GPATCH2L: variants seen among roughly 807,000 people sequenced by gnomAD.
GPATCH2L encodes the protein G-patch domain containing 2 like.
In GPATCH2L, 31 loss-of-function variants were observed where a neutral mutation model predicts 57.4. The ratio of observed to expected loss-of-function variants is 0.54; its 90% confidence interval spans 0.41 to 0.73. The LOEUF (loss-of-function observed/expected upper bound fraction) is 0.73, where lower values mean the gene tolerates loss of function less well. Among genes scored for constraint, GPATCH2L ranks in the 30% least tolerant of loss-of-function variants. GPATCH2L has a pLI of 0.00. For missense variants in GPATCH2L, 481 were observed against 599.9 expected (o/e 0.80, Z 2.07); for synonymous variants, 199 against 210.7 (o/e 0.94, Z 0.48).
chr14:76,182,585 CAAAAAAA>C (rs66602777), intron 8 of GPATCH2L, among the ~76,000 whole-genome samples: 3 of 84,820 alleles, frequency 3.5e-5, no homozygotes, highest in African/African-American at 4.6e-5. Flanking sequence ...GACCCTGTCT[CAAAAAAA>C]AAAAAAAAAA....
chr14:76,168,241 C>T (rs930991216), intron 3 of GPATCH2L, among the ~76,000 whole-genome samples: 1 of 152,232 alleles, frequency 6.6e-6, no homozygotes, highest in African/African-American at 2.4e-5. Context: ...TTTCCTCTTG[C>T]CCCTGCAAGG....
intron 1 of GPATCH2L, among the ~76,000 whole-genome samples, chr14:76,221,499 A>G (rs1047426687): frequency 1.3e-5 from 2 of 152,192 alleles, no homozygotes; most frequent in African/African-American, 4.8e-5. Context: ...GCTTCCTGGT[A>G]TTTATCCAAA....
At chr14:76,160,860 T>C (rs2038549503) in intron 2 of GPATCH2L, among the ~76,000 whole-genome samples, 1 of 152,188 alleles carries the variant, frequency 6.6e-6, no homozygotes. Flanking sequence ...GGTGGACTTC[T>C]CTGAGGCACA....
chr14:76,197,720 A>G (rs777442682), intron 9 of GPATCH2L, among the ~76,000 whole-genome samples: 2 of 152,164 alleles, frequency 1.3e-5, no homozygotes, highest in Non-Finnish European at 2.9e-5. Context: ...ATTAATACAC[A>G]TCAGGGGCCA....
chr14:76,230,605 A>G (rs1165110373), intron 2 of GPATCH2L, among the ~76,000 whole-genome samples: 1 of 152,176 alleles, frequency 6.6e-6, no homozygotes, highest in Non-Finnish European at 1.5e-5. Flanking sequence ...AAAATACTTA[A>G]TAAAATGCAA....
In GPATCH2L at chr14:76,210,124, A is replaced by G. The variant is rs1213151082; in HGVS notation, c.*8273A>G. The G allele has an allele frequency of 6.6e-6, 1 of 152,204 alleles. No individual in the cohort carries two copies. The highest frequency in any genetic ancestry group is 1.5e-5 in the Non-Finnish European group (1 of 68,040). 9.4% of individuals were successfully genotyped at this position (152,204 alleles called of 1,614,324 possible). ...CCTTAGATATACTATCCTTGAAACT[A>G]TTAGGCCCCTGTCCAGAGTACCTAA... On this transcript the variant is annotated 3_prime_UTR_variant, in exon 10 of 10. Coordinates refer to ENST00000261530, the MANE Select transcript of GPATCH2L (RefSeq NM_017926.4).
intron 2 of GPATCH2L, among the ~76,000 whole-genome samples, chr14:76,165,865 G>C (rs1207280748): frequency 6.6e-6 from 1 of 152,080 alleles, no homozygotes; most frequent in Non-Finnish European, 1.5e-5. Context: ...GCATCTTCTA[G>C]AGTAGGTGAA....
intron 3 of GPATCH2L, among the ~76,000 whole-genome samples, chr14:76,171,615 C>T (rs1420865709): frequency 2.0e-5 from 3 of 151,554 alleles, no homozygotes; most frequent in African/African-American, 7.3e-5. Context: ...GGCATAGTGG[C>T]ATGAGCCTGT....
In GPATCH2L at chr14:76,201,851, G is replaced by A; in HGVS notation, c.1449G>A (p.Ter483=). The change falls in exon 10 of 10, where the codon TAG becomes TAA. Residue 483 remains the stop codon, a stop_retained_variant. Transcript: ENST00000261530. ...AAGAAAAGAGCCCTGGATACAGCTAGAGAGCAGGACTTCACCCTCCAGGAG... is the reference window on the plus strand; with the variant it reads ...AAGAAAAGAGCCCTGGATACAGCTAAAGAGCAGGACTTCACCCTCCAGGAG... ...MPQEKSPGYS[*] 6.2e-7 allele frequency: 1 copy of A among 1,613,378 alleles called. No individual in the cohort carries two copies. The highest frequency in any genetic ancestry group is 8.5e-7 in the Non-Finnish European group (1 of 1,179,638).
chr14:76,209,658 T>C lies in GPATCH2L; in HGVS notation c.*7807T>C, dbSNP rs1286493657. 6.6e-6 allele frequency: 1 copy of C among 152,298 alleles called. No individual in the cohort carries two copies. The allele number at this position is 152,298 out of a possible 1,614,324, so 9.4% of individuals were successfully genotyped here. On this transcript the variant is annotated 3_prime_UTR_variant, in exon 10 of 10. Coordinates refer to ENST00000261530, the MANE Select transcript of GPATCH2L (RefSeq NM_017926.4). ...TTTCTGCTGCTGGTTAATTTTTTAA[T>C]TTGGCTTCCTCAAGCCTTTTTGGCC...
chr14:76,195,878 A>T lies in GPATCH2L; in HGVS notation c.1194A>T (p.Arg398Ser). 1 of 1,610,264 alleles carries T rather than the reference A, an allele frequency of 6.2e-7. No individual in the cohort carries two copies. The highest frequency in any genetic ancestry group is 8.5e-7 in the Non-Finnish European group (1 of 1,176,546). Reference sequence around the variant, plus strand: ...ATTTTTCTTCTTCTTACATCTGCAGACAGGCAAATGTACACTGGGGACCAC... The same window carrying T: ...ATTTTTCTTCTTCTTACATCTGCAGTCAGGCAAATGTACACTGGGGACCAC... ...RRCSPAHCSA[R>S]QANVHWGPPC... Residue 398 changes from arginine to serine, a missense_variant and splice_region_variant, in exon 9 of 10, where the codon AGA becomes AGT. This residue lies in a region of GPATCH2L where 248 missense variants were observed against 270.5 expected (regional missense o/e 0.92). Transcript: ENST00000261530.
In GPATCH2L at chr14:76,210,662, G is replaced by A. The variant is rs79286798; in HGVS notation, c.*8811G>A. 0.022 allele frequency: 3,371 copies of A among 152,276 alleles called. 76 individuals are homozygous for A. The highest frequency in any genetic ancestry group is 0.077 in the South Asian group (372 of 4,824). The allele number at this position is 152,276 out of a possible 1,614,324, so 9.4% of individuals were successfully genotyped here. On this transcript the variant is annotated 3_prime_UTR_variant, in exon 10 of 10. Transcript: ENST00000261530. The stretch of plus-strand genomic sequence containing the variant: ...AATTTTGCAGATCTTGCAAACCTGT[G>A]GCAATAAGAAGGTATTATCCTTTCT...
intron 1 of GPATCH2L, chr14:76,152,884 A>G (rs1037977930): frequency 2.5e-6 from 1 of 397,596 alleles, no homozygotes; most frequent in Non-Finnish European, 5.0e-6. Flanking sequence ...TTGTTTCTTT[A>G]TTTTGGTCTT....
At chr14:76,197,191 GTTC>G (rs748066827) in intron 9 of GPATCH2L, among the ~76,000 whole-genome samples, 9 of 152,044 alleles carry the variant, frequency 5.9e-5, no homozygotes, top group Admixed American at 6.6e-5. Context: ...TCCTGCAGAT[GTTC>G]TTCTTTTTAT....
At chr14:76,232,007 G>GCAGGCTCACTGCAGC in intron 2 of GPATCH2L, among the ~76,000 whole-genome samples, 1 of 78,308 alleles carries the variant, frequency 1.3e-5, no homozygotes, top group African/African-American at 5.7e-5. Flanking sequence ...CTCACTGCAG[G>GCAGGCTCACTGCAGC]CTCAAGCAAT....
intron 1 of GPATCH2L, among the ~76,000 whole-genome samples, chr14:76,219,613 ATC>A (rs1427065980): frequency 1.3e-5 from 2 of 152,320 alleles, no homozygotes; most frequent in East Asian, 3.9e-4. Flanking sequence ...AGAAAGATGA[ATC>A]TCTAAGTAAA....
chr14:76,185,053 T>C (rs1458768390), intron 8 of GPATCH2L, among the ~76,000 whole-genome samples: 5 of 152,210 alleles, frequency 3.3e-5, no homozygotes, highest in Non-Finnish European at 5.9e-5. Flanking sequence ...TCTCTTAGCT[T>C]TGGAGAACCT....
intron 8 of GPATCH2L, among the ~76,000 whole-genome samples, chr14:76,193,891 A>G (rs1198076656): frequency 6.6e-6 from 1 of 152,156 alleles, no homozygotes; most frequent in Non-Finnish European, 1.5e-5. Flanking sequence ...ATGCCTGAGG[A>G]TAAGGATGAT....
At chr14:76,188,139 T>C (rs2039839030) in intron 8 of GPATCH2L, among the ~76,000 whole-genome samples, 2 of 152,148 alleles carry the variant, frequency 1.3e-5, no homozygotes, top group Admixed American at 1.3e-4. Flanking sequence ...TTAGGTTGCT[T>C]CCGAATTTTG....
Sources: allele counts gnomAD v4.1 joint callset (sites outside exome capture counted in the v4.1 genomes callset), GRCh38; gene constraint gnomAD v4.1.1; regional missense constraint gnomAD v4.1.1; transcripts MANE v1.5; gene names NCBI Gene and HGNC (gene_info 2026-07-23, HGNC 2026-07-21).